Variants in GRIK2 observed in about 807,000 individuals in gnomAD.
GRIK2 encodes the protein glutamate ionotropic receptor kainate type subunit 2.
In GRIK2, 32 loss-of-function variants were observed where a neutral mutation model predicts 100.3. The ratio of observed to expected loss-of-function variants is 0.32; its 90% CI spans 0.24 to 0.43. GRIK2 has a LOEUF of 0.43. Ranked by LOEUF, GRIK2 falls within the 20% of genes least tolerant of loss-of-function variation. The pLI is 1.00. For synonymous variants in GRIK2, 417 were observed against 389.4 expected (o/e 1.07, Z -0.83); for missense variants, 843 against 1,114.9 (o/e 0.76, Z 3.47).
At chr6:101,648,867 C>A (rs1056737054) in intron 4 of GRIK2, among the ~76,000 whole-genome samples, 1 of 152,070 alleles carries the variant, frequency 6.6e-6, no homozygotes, top group East Asian at 1.9e-4. Context: ...CTGGGGAGGC[C>A]TCACAAACAT....
At chr6:101,892,730 G>A (rs62419305) in intron 12 of GRIK2, among the ~76,000 whole-genome samples, 6,160 of 151,740 alleles carry the variant, frequency 0.041, 175 homozygotes, top group Non-Finnish European at 0.061. Flanking sequence ...TAGACAAACT[G>A]TATTAAGCAA....
intron 7 of GRIK2, among the ~76,000 whole-genome samples, chr6:101,748,631 A>G (rs951372879): frequency 1.3e-5 from 2 of 151,994 alleles, no homozygotes; most frequent in East Asian, 3.9e-4. Flanking sequence ...TTATTGATTT[A>G]TGTATCACCA....
Position 102,068,749 on chromosome 6 carries a change from C to A in GRIK2, c.*238C>A, listed in dbSNP as rs1326593937. ...ACTGTTAATCATGGGTTCCTCCCTT[C>A]TTCTGAGTGAATGTTAACATGCGCA... On this transcript the variant is annotated 3_prime_UTR_variant, in exon 17 of 17. Coordinates refer to ENST00000369134, the MANE Select transcript of GRIK2 (RefSeq NM_021956.5). 2.9e-6 allele frequency: 1 copy of A among 347,018 alleles called. No homozygotes were observed. The highest frequency in any genetic ancestry group is 2.1e-5 in the African/African-American group (1 of 47,214). The allele number at this position is 347,018 out of a possible 1,614,324, so 21.5% of individuals were successfully genotyped here.
At chr6:101,872,363 G>A (rs1189461484) in intron 11 of GRIK2, among the ~76,000 whole-genome samples, 2 of 151,854 alleles carry the variant, frequency 1.3e-5, no homozygotes, top group Admixed American at 1.3e-4. Flanking sequence ...TAGTGGAGGG[G>A]AAGCAAACAT....
Position 102,023,151 on chromosome 6 carries a change from C to A in GRIK2, c.2086-12190C>A, listed in dbSNP as rs538020166. Among the ~76,000 whole-genome samples, 4 of 151,136 alleles carry A rather than the reference C, an allele frequency of 2.6e-5. No homozygotes were observed. The South Asian group carries it at 8.3e-4, about 31-fold the overall frequency. The stretch of plus-strand genomic sequence containing the variant: ...TTGGCATATTTTCTCAGATTTATTT[C>A]ACTAAGGAATCTAGTGGGCTAATTA... On this transcript the variant is annotated intron_variant, in intron 14 of 16. Coordinates refer to ENST00000369134, the MANE Select transcript of GRIK2 (RefSeq NM_021956.5).
At chr6:101,661,154 C>T (rs183006570) in intron 4 of GRIK2, among the ~76,000 whole-genome samples, 1 of 152,264 alleles carries the variant, frequency 6.6e-6, no homozygotes, top group East Asian at 1.9e-4. Flanking sequence ...TGCTGCCTTT[C>T]TTTCAGAGAT....
intron 2 of GRIK2, among the ~76,000 whole-genome samples, chr6:101,570,681 G>T (rs1282601636): frequency 6.6e-6 from 1 of 152,120 alleles, no homozygotes; most frequent in Non-Finnish European, 1.5e-5. Flanking sequence ...GACATGATTT[G>T]CCCTGACTTG....
Position 102,035,358 on chromosome 6 carries a change from G to C in GRIK2, c.2103G>C (p.Thr701=), listed in dbSNP as rs556175755. The change falls in exon 15 of 17, where the codon ACG becomes ACC. Residue 701 remains threonine, a synonymous_variant. Transcript: ENST00000369134. Reference sequence around the variant, plus strand: ...TTCTTCAGAAATCAAAAATCTCCACGTATGACAAAATGTGGGCCTTTATGA... The same window carrying C: ...TTCTTCAGAAATCAAAAATCTCCACCTATGACAAAATGTGGGCCTTTATGA... ...MTFFKKSKIS[T]YDKMWAFMSS... is the part of the protein sequence containing the mutation. The C allele has an allele frequency of 6.3e-7, 1 of 1,598,446 alleles. No homozygotes were observed. The highest frequency in any genetic ancestry group is 8.6e-7 in the Non-Finnish European group (1 of 1,168,126).
At chr6:101,744,055 G>A (rs1168267521) in intron 7 of GRIK2, among the ~76,000 whole-genome samples, 1 of 152,060 alleles carries the variant, frequency 6.6e-6, no homozygotes, top group East Asian at 1.9e-4. Context: ...CCATTCTCCT[G>A]CTTCAGCCTC....
At chr6:102,039,318 A>T (rs1008315442) in intron 15 of GRIK2, among the ~76,000 whole-genome samples, 8 of 151,540 alleles carry the variant, frequency 5.3e-5, no homozygotes, top group Middle Eastern at 3.2e-3. Context: ...TTGGAGTGAC[A>T]TTAAATTCCT....
At chr6:101,862,707 G>A (rs889935463) in intron 11 of GRIK2, among the ~76,000 whole-genome samples, 1 of 152,040 alleles carries the variant, frequency 6.6e-6, no homozygotes, top group Admixed American at 6.6e-5. Context: ...TTATCGACAT[G>A]AGCCACTGTG....
chr6:101,608,455 T>C (rs957243185), intron 2 of GRIK2, among the ~76,000 whole-genome samples: 1 of 151,914 alleles, frequency 6.6e-6, no homozygotes, highest in South Asian at 2.1e-4. Flanking sequence ...CTAGTAAAAT[T>C]TGTCTAATTC....
intron 2 of GRIK2, among the ~76,000 whole-genome samples, chr6:101,463,035 A>C (rs1025984639): frequency 6.6e-6 from 1 of 152,206 alleles, no homozygotes; most frequent in African/African-American, 2.4e-5. Flanking sequence ...AACACCATAA[A>C]TCAATGGTTA....
intron 8 of GRIK2, among the ~76,000 whole-genome samples, chr6:101,800,534 T>C (rs1237767859): frequency 6.6e-6 from 1 of 152,120 alleles, no homozygotes; most frequent in South Asian, 2.1e-4. Flanking sequence ...TATTACCATA[T>C]GAAATTTTTT....
At chr6:101,566,215 G>T (rs1777268562) in intron 2 of GRIK2, among the ~76,000 whole-genome samples, 1 of 151,644 alleles carries the variant, frequency 6.6e-6, no homozygotes, top group South Asian at 2.1e-4. Flanking sequence ...CAAGTGTTCT[G>T]TCTTCTTAAA....
chr6:101,541,454 A>T (rs1341621343), intron 2 of GRIK2, among the ~76,000 whole-genome samples: 2 of 150,748 alleles, frequency 1.3e-5, no homozygotes, highest in Non-Finnish European at 3.0e-5. Context: ...AACCCAACCA[A>T]ACAAACAAAC....
At chr6:101,596,517 A>G (rs1778938327) in intron 2 of GRIK2, among the ~76,000 whole-genome samples, 1 of 151,718 alleles carries the variant, frequency 6.6e-6, no homozygotes, top group Non-Finnish European at 1.5e-5. Context: ...ATCAAGAGAT[A>G]GTCAAAATGG....
At chr6:101,932,295 A>G (rs900825071) in intron 14 of GRIK2, among the ~76,000 whole-genome samples, 1 of 152,046 alleles carries the variant, frequency 6.6e-6, no homozygotes, top group Non-Finnish European at 1.5e-5. Flanking sequence ...GCTCTTTTGT[A>G]TGGTCATTAA....
chr6:101,498,315 A>C (rs376991846), intron 2 of GRIK2, among the ~76,000 whole-genome samples: 150 of 151,952 alleles, frequency 9.9e-4, no homozygotes, highest in Non-Finnish European at 1.7e-3. Flanking sequence ...GTGAATAGTG[A>C]CGCAATAAAC....
Sources: allele counts gnomAD v4.1 joint callset (sites outside exome capture counted in the v4.1 genomes callset), GRCh38; gene constraint gnomAD v4.1.1; transcripts MANE v1.5; gene names NCBI Gene and HGNC (gene_info 2026-07-23, HGNC 2026-07-21).